The following FAM240C variants were observed in gnomAD, a reference collection of about 807,000 sequenced individuals.
FAM240C encodes the protein family with sequence similarity 240 member C.
FAM240C carries 14 observed loss-of-function variants against 10.0 expected under a neutral mutation model. The ratio of observed to expected loss-of-function variants is 1.40; its 90% CI spans 0.92 to 2.19. The LOEUF is 2.19. FAM240C is among the 30% of genes most tolerant of loss of function. The pLI, the probability that FAM240C is intolerant of heterozygous loss-of-function variation, is 0.00. For missense variants in FAM240C, 154 were observed against 122.3 expected (o/e 1.26, Z -1.22); for synonymous variants, 49 against 44.3 (o/e 1.11, Z -0.42).
At chr2:241,898,817 G>A (rs544293860) in intron 1 of FAM240C, among the ~76,000 whole-genome samples, 34 of 152,306 alleles carry the variant, frequency 2.2e-4, no homozygotes, top group South Asian at 2.1e-3. Context: ...GGTGCAAGGC[G>A]GTGGGTCTCG....
At chr2:241,899,452 C>A in intron 1 of FAM240C, 2 of 555,224 alleles carry the variant, frequency 3.6e-6, no homozygotes, top group Non-Finnish European at 2.3e-6. Flanking sequence ...AAAACTCATC[C>A]AATGAGGAGG....
intron 1 of FAM240C, chr2:241,899,359 T>G (rs1449074358): frequency 6.1e-6 from 6 of 984,580 alleles, no homozygotes; most frequent in African/African-American, 1.7e-5. Context: ...TCCAGAAACT[T>G]AGACATGCAA....
At chr2:241,896,509 G>T (rs1559468258) in intron 2 of FAM240C, among the ~76,000 whole-genome samples, 8 of 114,626 alleles carry the variant, frequency 7.0e-5, no homozygotes, top group East Asian at 4.4e-4. Flanking sequence ...TGAAGGGGGT[G>T]TGGGTGTTGG....
intron 1 of FAM240C, among the ~76,000 whole-genome samples, chr2:241,898,203 G>T (rs1463174858): frequency 2.0e-5 from 3 of 152,140 alleles, no homozygotes; most frequent in Non-Finnish European, 2.9e-5. Context: ...AATTATTTTG[G>T]ACTCGTGCAT....
chr2:241,894,636 G>A (rs1263292382), intron 2 of FAM240C, among the ~76,000 whole-genome samples: 2 of 150,356 alleles, frequency 1.3e-5, no homozygotes, highest in African/African-American at 2.5e-5. Flanking sequence ...TGCCTTCCCC[G>A]GGAAGCAGCC....
In FAM240C at chr2:241,894,268, T is replaced by C. The variant is rs527845717; in HGVS notation, c.233A>G (p.Asp78Gly). The change falls in exon 3 of 3, where the codon GAC becomes GGC. Residue 78 changes from aspartate (D) to glycine (G), a missense_variant. Transcript: ENST00000404031. ...KMLQGPGRCPDRVPEATESLH... is the reference protein window; with the variant it reads ...KMLQGPGRCPGRVPEATESLH... ...GGACTCAGTGGCCTCCGGGACCCTG[T>C]CTGGGCATCTCCCTGGGCCCTGCAG... 2 of 1,550,010 alleles carry C rather than the reference T, an allele frequency of 1.3e-6. No homozygotes were observed. The highest frequency in any genetic ancestry group is 1.7e-6 in the Non-Finnish European group (2 of 1,146,824).
At chr2:241,894,722 T>A (rs2124915569) in intron 2 of FAM240C, among the ~76,000 whole-genome samples, 1 of 152,278 alleles carries the variant, frequency 6.6e-6, no homozygotes, top group Non-Finnish European at 1.5e-5. Context: ...CCTCTGTCTC[T>A]GCTCTGCTCA....
Position 241,899,242 on chromosome 2 carries a change from G to A in FAM240C, c.12+1116C>T, listed in dbSNP as rs571528705. 24 of 1,302,190 alleles carry A rather than the reference G, an allele frequency of 1.8e-5. No homozygotes were observed. The African/African-American group carries it at 3.0e-4, about 16-fold the overall frequency. The allele number at this position is 1,302,190 out of a possible 1,614,324, so 80.7% of individuals were successfully genotyped here. On this transcript the variant is annotated intron_variant, in intron 1 of 2. Transcript: ENST00000404031. ...TGGGGGCTTCCAGCTGCAGAGGCGC[G>A]GGCGCTGTGGCCTGCGCAGCCTGTT...
intron 2 of FAM240C, 24 bp downstream of exon 2, chr2:241,897,162 G>A (rs1283277522): frequency 4.5e-6 from 7 of 1,547,990 alleles, no homozygotes; most frequent in East Asian, 2.4e-5. Context: ...AGGGGTCCCC[G>A]ATGCACTGCA....
At chr2:241,894,569 T>A (rs1268391209) in intron 2 of FAM240C, among the ~76,000 whole-genome samples, 1 of 3,816 alleles carries the variant, frequency 2.6e-4, no homozygotes, top group African/African-American at 1.2e-3. Context: ...TGACCAGTGG[T>A]TGGTGGGGGG....
At chr2:241,897,138 C>G (rs753317547) in intron 2 of FAM240C, 48 bp downstream of exon 2, 12 of 1,537,222 alleles carry the variant, frequency 7.8e-6, no homozygotes, top group African/African-American at 5.5e-5. Flanking sequence ...GGGTGGCGAG[C>G]GTGGCTCAGG....
intron 2 of FAM240C, among the ~76,000 whole-genome samples, chr2:241,896,799 TGGGGTGTGGGTGTGTGGGTGTG>T (rs1701832598): frequency 3.8e-4 from 2 of 5,202 alleles, no homozygotes; most frequent in East Asian, 7.6e-3. Context: ...GTGTGGGTGT[TGGGGTGTGGGTGTGTGGGTGTG>T]GGGGTGTGGG....
At chr2:241,897,499 G>A (rs980306133) in intron 1 of FAM240C, among the ~76,000 whole-genome samples, 165 bp from the exon 2 acceptor site, 7 of 152,146 alleles carry the variant, frequency 4.6e-5, no homozygotes, top group Non-Finnish European at 8.8e-5. Flanking sequence ...CTGAGACTCA[G>A]GCCTCAGGTG....
chr2:241,897,130 G>T, intron 2 of FAM240C, 56 bp downstream of exon 2: 2 of 1,531,100 alleles, frequency 1.3e-6, no homozygotes, highest in Non-Finnish European at 8.8e-7. Context: ...GTGCCCCTGG[G>T]TGGCGAGCGT....
At chr2:241,902,349 GCCGCCGCCTCCCCT>G (rs1702004525), upstream of FAM240C, 1 of 83,554 alleles carries the variant, frequency 1.2e-5, no homozygotes. The surrounding 1 kb of genome is among the most constrained non-coding windows in gnomAD (Gnocchi z 7.1). Flanking sequence ...CCTCCCCTCC[GCCGCCGCCTCCCCT>G]CCGCCGCCGC....
chr2:241,901,189 C>T (rs1169165238), upstream of FAM240C, among the ~76,000 whole-genome samples: 2 of 152,204 alleles, frequency 1.3e-5, no homozygotes, highest in Non-Finnish European at 2.9e-5. The surrounding 1 kb of genome is among the most constrained non-coding windows in gnomAD (Gnocchi z 4.9). Context: ...CCCAGAAACA[C>T]TGTCCCAGCC....
intron 2 of FAM240C, 96 bp from the exon 3 acceptor site, chr2:241,894,435 G>A (rs1295894125): frequency 3.3e-5 from 46 of 1,379,336 alleles, no homozygotes; most frequent in Non-Finnish European, 4.3e-5. Context: ...ACCTGTGAGA[G>A]CAGGAGTATG....
At chr2:241,901,666 G>A (rs112712033), upstream of FAM240C, among the ~76,000 whole-genome samples, 2,944 of 152,308 alleles carry the variant, frequency 0.019, 108 homozygotes, top group African/African-American at 0.068. The surrounding 1 kb of genome is among the most constrained non-coding windows in gnomAD (Gnocchi z 4.9). Context: ...CGGTGCTCAG[G>A]CAGCGCGGGT....
chr2:241,894,419 C>T, intron 2 of FAM240C, 80 bp from the exon 3 acceptor site: 2 of 1,456,424 alleles, frequency 1.4e-6, no homozygotes, highest in South Asian at 2.6e-5. Context: ...CTCTCAGCAC[C>T]TGGGCACCTG....
Sources: allele counts gnomAD v4.1 joint callset (sites outside exome capture counted in the v4.1 genomes callset), GRCh38; gene constraint gnomAD v4.1.1; non-coding constraint Gnocchi (gnomAD v3.1); transcripts MANE v1.5; gene names NCBI Gene and HGNC (gene_info 2026-07-23, HGNC 2026-07-21).